Variants in RAPGEF6 observed in about 807,000 individuals in gnomAD.
RAPGEF6 encodes the protein PDZ domain containing guanine nucleotide exchange factor (GEF) 2.
In RAPGEF6, 56 loss-of-function variants were observed where a neutral mutation model predicts 171.4. That is an observed-to-expected ratio of 0.33 (90% confidence interval 0.26 to 0.41). RAPGEF6 has a LOEUF of 0.41. RAPGEF6 is among the 10% of genes least tolerant of loss of function. The probability of loss-of-function intolerance (pLI) is 1.00; values close to 1 mark genes in which losing one functional copy is unlikely to be tolerated. For synonymous variants in RAPGEF6, 692 were observed against 650.1 expected (o/e 1.06, Z -0.98); for missense variants, 1,674 against 1,921.4 (o/e 0.87, Z 2.41).
rs561163887 is a variant in RAPGEF6 at position 131,433,253 on chromosome 5, T to G, written c.3974+177A>C. On this transcript the variant is annotated intron_variant, in intron 25 of 27. Coordinates refer to ENST00000509018, the MANE Select transcript of RAPGEF6 (RefSeq NM_016340.6). ...TTTAAAAATGAACACCCATACATCTTTCAACATAGTGCTTATTTACATATT... is the reference window on the plus strand; with the variant it reads ...TTTAAAAATGAACACCCATACATCTGTCAACATAGTGCTTATTTACATATT... Among the ~76,000 whole-genome samples the G allele has an allele frequency of 1.9e-3, 292 of 152,280 alleles. 3 individuals are homozygous for G. The highest frequency in any genetic ancestry group is 5.8e-3 in the Admixed American group (89 of 15,302).
rs1763640810 is a variant in RAPGEF6, at chr5:131,592,321, T to C, written c.281+62A>G. ...ATGTATCACTTACTGAAAGAAAATA[T>C]ACATCCTATACAAAATAGTTTAACA... On this transcript the variant is annotated intron_variant, in intron 4 of 27. Coordinates refer to ENST00000509018, the MANE Select transcript of RAPGEF6 (RefSeq NM_016340.6). 9 of 1,567,724 alleles carry C rather than the reference T, an allele frequency of 5.7e-6. No individual in the cohort carries two copies. The South Asian group carries it at 8.3e-5, about 14-fold the overall frequency.
intron 17 of RAPGEF6, chr5:131,469,756 A>G: frequency 7.3e-7 from 1 of 1,372,252 alleles, no homozygotes; most frequent in Non-Finnish European, 9.8e-7. Context: ...AAAATAATAC[A>G]TACAAACAAG....
chr5:131,523,277 T>C (rs932079189), intron 6 of RAPGEF6, among the ~76,000 whole-genome samples: 3 of 141,576 alleles, frequency 2.1e-5, no homozygotes, highest in African/African-American at 2.8e-5. Flanking sequence ...TTCTGTTGTA[T>C]GCTTTTTTTT....
At chr5:131,439,770 T>C (rs1203160254) in intron 23 of RAPGEF6, 55 bp from the exon 24 acceptor site, 13 of 1,585,378 alleles carry the variant, frequency 8.2e-6, no homozygotes, top group Admixed American at 1.7e-5. Context: ...AAAATGTCTA[T>C]AGTTGCCTAA....
chr5:131,492,833 A>C, intron 13 of RAPGEF6, 48 bp from the exon 14 acceptor site: 1 of 1,528,410 alleles, frequency 6.5e-7, no homozygotes, highest in East Asian at 2.3e-5. Context: ...CTATTCCTAT[A>C]GGTTTTTAAA....
rs1253475054 is a variant in RAPGEF6, at chr5:131,479,714, G to C, written c.1880C>G (p.Ser627Cys). The C allele has an allele frequency of 1.7e-5, 28 of 1,613,744 alleles. No individual in the cohort carries two copies. The highest frequency in any genetic ancestry group is 2.4e-5 in the Non-Finnish European group (28 of 1,179,850). ...AATTTTGGGAATATGAGGAACACCA[G>C]ATTTCTCTTGTTCAGTCCTAAAAAG... ...ELLFRTEQEK[S>C]GVPHIPKIAE... Residue 627 changes from serine to cysteine, a missense_variant, in exon 16 of 28, where the codon TCT becomes TGT. Transcript: ENST00000509018.
chr5:131,511,089 T>C (rs1309316614), intron 7 of RAPGEF6, among the ~76,000 whole-genome samples: 2 of 152,236 alleles, frequency 1.3e-5, no homozygotes, highest in African/African-American at 2.4e-5. Flanking sequence ...TGCAAAGAGC[T>C]GTGATTTTTG....
chr5:131,628,791 C>G (rs1042866649), intron 1 of RAPGEF6, among the ~76,000 whole-genome samples: 8 of 152,268 alleles, frequency 5.3e-5, no homozygotes, highest in African/African-American at 1.9e-4. Context: ...TATGTTAAAT[C>G]TATTCTGCCT....
intron 1 of RAPGEF6, among the ~76,000 whole-genome samples, chr5:131,607,934 T>C (rs528849599): frequency 6.6e-6 from 1 of 152,296 alleles, no homozygotes; most frequent in East Asian, 1.9e-4. Context: ...TAAAACGTTT[T>C]TCATAAGATA....
At chr5:131,616,710 G>A (rs1232344580) in intron 1 of RAPGEF6, among the ~76,000 whole-genome samples, 1 of 152,018 alleles carries the variant, frequency 6.6e-6, no homozygotes, top group Non-Finnish European at 1.5e-5. Flanking sequence ...ACGACTCACT[G>A]CAGCCTCAAC....
At chr5:131,500,547 T>C (rs953145976) in intron 11 of RAPGEF6, among the ~76,000 whole-genome samples, 2 of 152,184 alleles carry the variant, frequency 1.3e-5, no homozygotes, top group Admixed American at 6.6e-5. Context: ...TAGACTAAAA[T>C]CTATCTTACC....
At chr5:131,481,613 C>A (rs1755489771) in intron 15 of RAPGEF6, among the ~76,000 whole-genome samples, 1 of 152,156 alleles carries the variant, frequency 6.6e-6, no homozygotes, top group Admixed American at 6.5e-5. Context: ...TGGGAAATTA[C>A]CTGTTTAGCA....
chr5:131,568,845 T>C (rs1762103210), intron 4 of RAPGEF6, among the ~76,000 whole-genome samples: 1 of 152,130 alleles, frequency 6.6e-6, no homozygotes, highest in Admixed American at 6.5e-5. Context: ...CTAAGGAATC[T>C]ACAAATATAA....
intron 17 of RAPGEF6, among the ~76,000 whole-genome samples, chr5:131,470,881 A>G (rs1261086731): frequency 1.3e-5 from 2 of 152,308 alleles, no homozygotes; most frequent in South Asian, 2.1e-4. Context: ...AGTTCATTCC[A>G]TACTCAGGAA....
chr5:131,541,882 C>T (rs972530768), intron 6 of RAPGEF6, among the ~76,000 whole-genome samples: 1 of 152,194 alleles, frequency 6.6e-6, no homozygotes, highest in African/African-American at 2.4e-5. Context: ...TAACTACTAT[C>T]AGATAGGCCT....
At chr5:131,620,833 C>G (rs1166143168) in intron 1 of RAPGEF6, among the ~76,000 whole-genome samples, 1 of 152,212 alleles carries the variant, frequency 6.6e-6, no homozygotes, top group African/African-American at 2.4e-5. Context: ...CTCAAGTGAT[C>G]TGCCCACCTC....
chr5:131,602,371 A>G (rs1192683999), intron 3 of RAPGEF6, among the ~76,000 whole-genome samples: 3 of 152,214 alleles, frequency 2.0e-5, no homozygotes, highest in African/African-American at 7.2e-5. Flanking sequence ...GCACATGACC[A>G]TAATTTTATT....
Position 131,634,984 on chromosome 5 carries a change from T to G in RAPGEF6, c.47A>C (p.Lys16Thr). Residue 16 changes from lysine (K) to threonine (T), a missense_variant, in exon 1 of 28, where the codon AAG (lysine) becomes ACG (threonine). Around this residue, in one of 3 missense-constraint regions of RAPGEF6, gnomAD observed 1,116 missense variants for 1,321.5 expected, o/e 0.84. Transcript: ENST00000509018. ...CACCTCGGGAGTCCGCTCGGGTGGC[T>G]TCTTCCTCAACGCCTGCCTAGCGCC... ...DPGARQALRK[K>T]PPERTPEDLN... The G allele has an allele frequency of 6.2e-7, 1 of 1,614,026 alleles. No homozygotes were observed. Among genetic ancestry groups the G allele is most frequent in the South Asian group, 1.1e-5 (1 of 91,086 alleles).
At chr5:131,479,263 G>C (rs181855987) in intron 16 of RAPGEF6, among the ~76,000 whole-genome samples, 2 of 151,878 alleles carry the variant, frequency 1.3e-5, no homozygotes, top group African/African-American at 4.8e-5. Flanking sequence ...TTTAAAAATG[G>C]ATTTCATAAA....
Sources: gnomAD v4.1 joint callset for allele counts (sites outside exome capture counted in the v4.1 genomes callset) on GRCh38, gnomAD v4.1.1 for gene constraint, gnomAD v4.1.1 regional missense constraint, MANE v1.5 for transcripts, NCBI Gene and HGNC (gene_info 2026-07-23, HGNC 2026-07-21) for gene names.